The following VWA3B variants were observed in gnomAD, a reference collection of about 807,000 sequenced individuals.
VWA3B encodes the protein von Willebrand factor A domain containing 3B, also known as von Willebrand factor A domain-containing protein 3B.
A neutral mutation model predicts 158.3 loss-of-function variants in VWA3B; 138 were observed. The ratio of observed to expected loss-of-function variants is 0.87; its 90% CI spans 0.76 to 1.00. The LOEUF (loss-of-function observed/expected upper bound fraction) is 1.00, where lower values mean the gene tolerates loss of function less well. Ranked by LOEUF, VWA3B falls within the 50% of genes least tolerant of loss-of-function variation. VWA3B has a pLI of 0.00. For missense variants in VWA3B, 1,555 were observed against 1,565.1 expected (o/e 0.99, Z 0.11); for synonymous variants, 596 against 587.3 (o/e 1.01, Z -0.21).
intron 8 of VWA3B, among the ~76,000 whole-genome samples, chr2:98,179,786 T>TTTTC (rs202210762): frequency 0.1 from 11,776 of 116,476 alleles, 663 homozygotes; most frequent in Non-Finnish European, 0.14. Context: ...TTTCTCTTTC[T>TTTTC]TTTCTTTCTT....
At chr2:98,317,769 GA>G (rs2106039481), downstream of VWA3B, among the ~76,000 whole-genome samples, 1 of 152,250 alleles carries the variant, frequency 6.6e-6, no homozygotes, top group South Asian at 2.1e-4. Flanking sequence ...GCTGAACCCT[GA>G]CCACCTTAGG....
At position 98,133,872 on chromosome 2, in the gene VWA3B, C is replaced by A. The variant is rs746308680; in HGVS notation, c.921C>A (p.Phe307Leu). 3 of 1,614,128 alleles carry A rather than the reference C, an allele frequency of 1.9e-6. No individual in the cohort carries two copies. In the Admixed American group the frequency reaches 5.0e-5, roughly 27 times the overall value. Reference sequence around the variant, plus strand: ...CAGAGTGTGTAGAATTTCCTGCATTCTCCACAAAGGATGGTGACAATGTGA... The same window carrying A: ...CAGAGTGTGTAGAATTTCCTGCATTATCCACAAAGGATGGTGACAATGTGA... ...ERTECVEFPA[F>L]STKDGDNVMT... Residue 307 changes from phenylalanine to leucine, a missense_variant, in exon 7 of 28, where the codon TTC becomes TTA. Phe to Leu is a conservative substitution (Grantham distance 22, BLOSUM62 0). Transcript: ENST00000477737.
At chr2:98,138,461 C>T (rs982190172) in intron 7 of VWA3B, among the ~76,000 whole-genome samples, 5 of 152,174 alleles carry the variant, frequency 3.3e-5, no homozygotes, top group African/African-American at 9.7e-5. Flanking sequence ...TGAGCTCGCC[C>T]GTATTTTCTT....
chr2:98,258,703 T>A (rs1687302358), intron 21 of VWA3B, among the ~76,000 whole-genome samples: 1 of 151,944 alleles, frequency 6.6e-6, no homozygotes, highest in Non-Finnish European at 1.5e-5. Flanking sequence ...GCAACTTTGC[T>A]GAATTTATTG....
Position 98,312,438 on chromosome 2 carries a change from G to A in VWA3B, c.*89G>A. On this transcript the variant is annotated 3_prime_UTR_variant, in exon 28 of 28. Coordinates refer to ENST00000477737, the MANE Select transcript of VWA3B (RefSeq NM_144992.5). ...TTGACACTGAAACTGGCCCCTCCGC[G>A]GAGGTAAGGCCGCCCTCCGCGCCGC... 7 of 1,496,778 alleles carry A rather than the reference G, an allele frequency of 4.7e-6. No individual in the cohort carries two copies. The highest frequency in any genetic ancestry group is 4.0e-5 in the South Asian group (3 of 75,046). 92.7% of individuals were successfully genotyped at this position (1,496,778 alleles called of 1,614,324 possible). A position where few individuals can be genotyped will look rare whatever the true frequency, so the allele number is the denominator to read the frequency against.
the VWA3B span, among the ~76,000 whole-genome samples, chr2:98,326,276 T>A: frequency 6.6e-6 from 1 of 152,050 alleles, no homozygotes; most frequent in Non-Finnish European, 1.5e-5. Context: ...GACAAACTAT[T>A]TCCTGAAAAT....
intron 5 of VWA3B, among the ~76,000 whole-genome samples, chr2:98,126,462 T>A (rs1446991847): frequency 6.6e-6 from 1 of 152,166 alleles, no homozygotes; most frequent in Non-Finnish European, 1.5e-5. Context: ...CCTGTCCCCA[T>A]GCTAAACTTG....
At chr2:98,194,254 A>T in intron 11 of VWA3B, 107 bp from the exon 12 acceptor site, 1 of 1,177,220 alleles carries the variant, frequency 8.5e-7, no homozygotes, top group Non-Finnish European at 1.2e-6. Flanking sequence ...TGCTTCTTGA[A>T]CTGAAAATAG....
In VWA3B at chr2:98,295,119, G is replaced by A. The variant is rs1009467393; in HGVS notation, c.3158-2788G>A. Among the ~76,000 whole-genome samples the A allele has an allele frequency of 1.2e-4, 19 of 152,134 alleles. 1 individual carries two copies. The highest frequency in any genetic ancestry group is 4.3e-4 in the African/African-American group (18 of 41,522). ...CAAAGCAGCAAAAGTCAGCACAGAG[G>A]GTAGAAAGGAAACCTCCGAGACTGG... On this transcript the variant is annotated intron_variant, in intron 23 of 27. Transcript: ENST00000477737.
chr2:98,231,151 G>A (rs1419239370), intron 16 of VWA3B, among the ~76,000 whole-genome samples: 1 of 152,158 alleles, frequency 6.6e-6, no homozygotes, highest in African/African-American at 2.4e-5. Context: ...TAAATAAATT[G>A]AGACACCATG....
In VWA3B at chr2:98,181,120, T is replaced by C; in HGVS notation, c.1219T>C (p.Tyr407His). The C allele has an allele frequency of 1.2e-6, 2 of 1,614,232 alleles. No homozygotes were observed. Among genetic ancestry groups the C allele is most frequent in the East Asian group, 4.5e-5 (2 of 44,880 alleles). The stretch of plus-strand genomic sequence containing the variant: ...CTTGAAGGCCCAGAAGCTATCCTTG[T>C]ATGATGTGCTTGCCGACTGCTCTTT... ...YGLKAQKLSL[Y>H]DVLADCSFRH... Residue 407 changes from tyrosine to histidine, a missense_variant, in exon 9 of 28, where the codon TAT (tyrosine) becomes CAT (histidine). Tyr to His is a moderately conservative substitution (Grantham distance 83, BLOSUM62 2). Coordinates refer to ENST00000477737, the MANE Select transcript of VWA3B (RefSeq NM_144992.5).
intron 23 of VWA3B, among the ~76,000 whole-genome samples, chr2:98,297,579 GT>G (rs1471775532): frequency 6.6e-5 from 10 of 152,194 alleles, no homozygotes; most frequent in Admixed American, 2.0e-4. Context: ...ATATCAGGTG[GT>G]AGGAGGTGTT....
chr2:98,184,309 G>C (rs1361053797), intron 9 of VWA3B, among the ~76,000 whole-genome samples: 1 of 152,212 alleles, frequency 6.6e-6, no homozygotes, highest in Non-Finnish European at 1.5e-5. Flanking sequence ...GGGCAGCGGA[G>C]GTGTCCACCT....
the VWA3B span, among the ~76,000 whole-genome samples, chr2:98,322,658 G>A: frequency 6.6e-6 from 1 of 152,216 alleles, no homozygotes; most frequent in African/African-American, 2.4e-5. Context: ...TGCAGCTTGG[G>A]CAGCAGTAAT....
chr2:98,311,977 C>T lies in VWA3B; in HGVS notation c.3680C>T (p.Ser1227Phe), dbSNP rs747436494. 1 of 1,604,448 alleles carries T rather than the reference C, an allele frequency of 6.2e-7. No individual in the cohort carries two copies. The highest frequency in any genetic ancestry group is 1.1e-5 in the South Asian group (1 of 89,364). ...QQAAPSDSDG[S>F]SHGISSHGSC... ...GCGGCGCCCTCGGACTCGGACGGCT[C>T]CTCCCACGGCATCAGCTCCCATGGG... Residue 1227 changes from serine to phenylalanine, a missense_variant, in exon 27 of 28, where the codon TCC becomes TTC. By Grantham distance (155) the Ser-to-Phe change is radical (BLOSUM62 -2). Transcript: ENST00000477737.
In VWA3B at chr2:98,217,967, G is replaced by C. The variant is rs374106102; in HGVS notation, c.1958G>C (p.Gly653Ala). 1.2e-6 allele frequency: 2 copies of C among 1,613,470 alleles called. No individual in the cohort carries two copies. The highest frequency in any genetic ancestry group is 1.7e-5 in the Admixed American group (1 of 59,960). ...TTGAAAGAGGTTGCTGCTTTGACTG[G>C]AGGAGAGTTCCATTTTTATAATTTT... ...RFLKEVAALT[G>A]GEFHFYNFGC... is the part of the protein sequence containing the mutation. The change falls in exon 14 of 28, where the codon GGA (glycine) becomes GCA (alanine). Residue 653 changes from glycine (G) to alanine (A), a missense_variant. Physicochemically the swap from Gly to Ala is moderately conservative, Grantham distance 60. Transcript: ENST00000477737.
At chr2:98,246,210 A>G (rs1438711960) in intron 19 of VWA3B, among the ~76,000 whole-genome samples, 1 of 152,082 alleles carries the variant, frequency 6.6e-6, no homozygotes, top group Non-Finnish European at 1.5e-5. Context: ...AGTAACCACT[A>G]TTGATAGTTT....
intron 19 of VWA3B, 25 bp from the exon 20 acceptor site, chr2:98,250,288 ACTTTC>A: frequency 6.3e-7 from 1 of 1,577,942 alleles, no homozygotes; most frequent in Non-Finnish European, 8.6e-7. Context: ...ATCAAGTGAC[ACTTTC>A]CTTTCCTTTG....
At chr2:98,264,843 C>T (rs1687699503) in intron 21 of VWA3B, among the ~76,000 whole-genome samples, 1 of 151,982 alleles carries the variant, frequency 6.6e-6, no homozygotes, top group African/African-American at 2.4e-5. Context: ...CTGTCTATTT[C>T]TTCAGTTCTG....
Sources: allele counts gnomAD v4.1 joint callset (sites outside exome capture counted in the v4.1 genomes callset), GRCh38; gene constraint gnomAD v4.1.1; transcripts MANE v1.5; gene names NCBI Gene and HGNC (gene_info 2026-07-23, HGNC 2026-07-21).